Variants in BRCA2 observed in about 807,000 individuals in gnomAD.
BRCA2 encodes BRCA2 DNA repair associated.
Under a neutral mutation model 276.7 loss-of-function variants are expected in BRCA2, and 203 were observed. That is an observed-to-expected ratio of 0.73 (90% CI 0.65 to 0.82). BRCA2 has a LOEUF of 0.82. Among genes scored for constraint, BRCA2 ranks in the 40% least tolerant of loss-of-function variants. BRCA2 has a pLI of 0.00. For missense variants in BRCA2, 3,920 were observed against 3,915.0 expected, an observed-to-expected ratio of 1.00 and a Z score of -0.03; for synonymous variants, 1,289 against 1,338.4, an observed-to-expected ratio of 0.96 and a Z score of 0.81.
chr13:32,355,014 T>C lies in BRCA2; in HGVS notation c.7161T>C (p.Ala2387=), dbSNP rs2137556473. The C allele has an allele frequency of 1.9e-6, 3 of 1,613,944 alleles. No individual in the cohort carries two copies. The highest frequency in any genetic ancestry group is 2.5e-6 in the Non-Finnish European group (3 of 1,179,906). The part of the protein sequence containing the change: ...VSGHPFYQVS[A]TRNEKMRHLI... ...GACATCCATTTTATCAAGTTTCTGC[T>C]ACAAGAAATGAAAAAATGAGACACT... The change falls in exon 14 of 27, where the codon GCT becomes GCC. Residue 2387 remains alanine (A), a synonymous_variant. Coordinates refer to ENST00000380152, the MANE Select transcript of BRCA2 (RefSeq NM_000059.4).
At position 32,337,651 on chromosome 13, in the gene BRCA2, C is replaced by A. The variant is rs397507663; in HGVS notation, c.3296C>A (p.Ser1099Ter). The change falls in exon 11 of 27, where the codon TCA (serine) becomes TAA (stop). Residue 1099 changes from serine to a stop codon, truncating the protein, a stop_gained. Coordinates refer to ENST00000380152, the MANE Select transcript of BRCA2 (RefSeq NM_000059.4). LOFTEE classifies it high-confidence loss of function. ...QMLFSKQDFN[S>*]NHNLTPSQKA... ...TTATTTTCCAAGCAGGATTTTAATT[C>A]AAACCATAATTTAACACCTAGCCAA... is the stretch of plus-strand genomic sequence containing the variant. 6.3e-7 allele frequency: 1 copy of A among 1,587,510 alleles called. No individual in the cohort carries two copies. The highest frequency in any genetic ancestry group is 1.2e-5 in the South Asian group (1 of 86,320).
In BRCA2 at chr13:32,339,177, G is replaced by T. The variant is rs1566231194; in HGVS notation, c.4822G>T (p.Glu1608Ter). 6.2e-7 allele frequency: 1 copy of T among 1,613,806 alleles called. No homozygotes were observed. The highest frequency in any genetic ancestry group is 2.2e-5 in the East Asian group (1 of 44,878). Reference sequence around the variant, plus strand: ...TAATGATAAAAACCTTGTTTCTATTGAGACTGTGGTGCCACCTAAGCTCTT... The same window carrying T: ...TAATGATAAAAACCTTGTTTCTATTTAGACTGTGGTGCCACCTAAGCTCTT... ...LNNDKNLVSI[E>*]TVVPPKLLSD... The change falls in exon 11 of 27, where the codon GAG becomes TAG. Residue 1608 changes from glutamate to a stop codon, truncating the protein, a stop_gained. Transcript: ENST00000380152. LOFTEE classifies it high-confidence loss of function.
intron 21 of BRCA2, 49 bp downstream of exon 21, chr13:32,376,840 G>A: frequency 3.7e-6 from 6 of 1,607,832 alleles, no homozygotes; most frequent in Non-Finnish European, 5.1e-6. Context: ...TATTCAAGGT[G>A]AGAAGCTGTT....
intron 20 of BRCA2, 34 bp downstream of exon 20, chr13:32,371,134 C>A (rs2072831655): frequency 6.2e-7 from 1 of 1,601,994 alleles, no homozygotes; most frequent in African/African-American, 1.3e-5. Context: ...ATTGTTATTT[C>A]TAATATGAGA....
chr13:32,366,304 A>C (rs2072781656), intron 18 of BRCA2, among the ~76,000 whole-genome samples: 1 of 152,182 alleles, frequency 6.6e-6, no homozygotes, highest in Non-Finnish European at 1.5e-5. Context: ...TGCTGGTGGT[A>C]GTGTTGGTAT....
At chr13:32,382,299 T>G in intron 24 of BRCA2, among the ~76,000 whole-genome samples, 1 of 152,176 alleles carries the variant, frequency 6.6e-6, no homozygotes, top group South Asian at 2.1e-4. Context: ...GAGGTCACTG[T>G]GGGCATGGGA....
chr13:32,398,124 C>T (rs2137662274), intron 26 of BRCA2, 38 bp from the exon 27 acceptor site: 2 of 1,574,162 alleles, frequency 1.3e-6, no homozygotes, highest in Non-Finnish European at 1.7e-6. Flanking sequence ...TATGTTACTA[C>T]ATAATTATGA....
At position 32,384,329 on chromosome 13, in the gene BRCA2, T is replaced by G. The variant is rs11571787; in HGVS notation, c.9256+4184T>G. Among the ~76,000 whole-genome samples, 33,052 of 152,044 alleles carry G rather than the reference T, an allele frequency of 0.22. 3,723 individuals carry two copies. Among genetic ancestry groups the G allele is most frequent in the East Asian group, 0.39 (2,040 of 5,170 alleles). ...AGGGTGACGGTAGTGGAGATCTTAC[T>G]GAGTTCCAGAGGCCCCATTGAAAGG... On this transcript the variant is annotated intron_variant, in intron 24 of 26. Coordinates refer to ENST00000380152, the MANE Select transcript of BRCA2 (RefSeq NM_000059.4).
chr13:32,355,620 G>A (rs1214330979), intron 14 of BRCA2, among the ~76,000 whole-genome samples: 1 of 152,098 alleles, frequency 6.6e-6, no homozygotes, highest in Non-Finnish European at 1.5e-5. Flanking sequence ...CCAGAACTTT[G>A]GGAGACTAAG....
At position 32,338,446 on chromosome 13, in the gene BRCA2, T is replaced by C; in HGVS notation, c.4091T>C (p.Ile1364Thr). 2 of 1,611,920 alleles carry C rather than the reference T, an allele frequency of 1.2e-6. No individual in the cohort carries two copies. The highest frequency in any genetic ancestry group is 2.7e-5 in the African/African-American group (2 of 74,972). ...TTGCTATTTACTGATCAGCACAACA[T>C]ATGTCTTAAATTATCTGGCCAGTTT... ...TDLLFTDQHN[I>T]CLKLSGQFMK... Residue 1364 changes from isoleucine to threonine, a missense_variant, in exon 11 of 27, where the codon ATA (isoleucine) becomes ACA (threonine). This residue lies in a region of BRCA2 where 3,263 missense variants were observed against 3,156.9 expected (regional missense o/e 1.03). Transcript: ENST00000380152.
chr13:32,322,167 C>G (rs1473048588), intron 3 of BRCA2, among the ~76,000 whole-genome samples: 3 of 152,208 alleles, frequency 2.0e-5, no homozygotes, highest in African/African-American at 7.2e-5. Context: ...CTCCTGAGCC[C>G]CTGGCAGCCA....
rs397507882 is a variant in BRCA2, at chr13:32,319,061, T to A, written c.68-16T>A. The A allele has an allele frequency of 1.6e-5, 25 of 1,528,178 alleles. No homozygotes were observed. The highest frequency in any genetic ancestry group is 9.3e-5 in the East Asian group (4 of 42,784). 94.7% of individuals were successfully genotyped at this position (1,528,178 alleles called of 1,614,324 possible). A position where few individuals can be genotyped will look rare whatever the true frequency, so the allele number is the denominator to read the frequency against. ...GTCACTGGTTAAAACTAAGGTGGGATTTTTTTTTTAAATAGATTTAGGACC... is the reference window on the plus strand; with the variant it reads ...GTCACTGGTTAAAACTAAGGTGGGAATTTTTTTTTAAATAGATTTAGGACC... On this transcript the variant is annotated splice_polypyrimidine_tract_variant and intron_variant, in intron 2 of 26. Coordinates refer to ENST00000380152, the MANE Select transcript of BRCA2 (RefSeq NM_000059.4).
At chr13:32,381,020 T>A (rs1291742490) in intron 24 of BRCA2, among the ~76,000 whole-genome samples, 1 of 152,324 alleles carries the variant, frequency 6.6e-6, no homozygotes. Context: ...TGGTGAGTTA[T>A]GTTTTAGTGC....
chr13:32,346,760 A>G, intron 12 of BRCA2, 67 bp from the exon 13 acceptor site: 1 of 1,336,560 alleles, frequency 7.5e-7, no homozygotes, highest in South Asian at 1.3e-5. Context: ...TTTTTTGTGT[A>G]TTTACAGTAA....
At chr13:32,397,662 A>G (rs532604671) in intron 26 of BRCA2, among the ~76,000 whole-genome samples, 18 of 152,316 alleles carry the variant, frequency 1.2e-4, no homozygotes, top group African/African-American at 4.1e-4. Context: ...ACTTAAAGTC[A>G]CAGTTTCCGA....
chr13:32,325,485 A>G (rs560942973), intron 4 of BRCA2, among the ~76,000 whole-genome samples: 200 of 152,200 alleles, frequency 1.3e-3, no homozygotes, highest in African/African-American at 4.6e-3. Flanking sequence ...TTATCAATTT[A>G]AAATAAATTG....
chr13:32,329,604 C>A (rs2072374472), intron 8 of BRCA2, 112 bp downstream of exon 8: 1 of 904,342 alleles, frequency 1.1e-6, no homozygotes, highest in Non-Finnish European at 1.7e-6. Context: ...TTATCTAAGC[C>A]TTTGAGAAAG....
In BRCA2 at chr13:32,340,840, A is replaced by G. The variant is rs11571660; in HGVS notation, c.6485A>G (p.Lys2162Arg). ...SPYLSQFQQD[K>R]QQLVLGTKVS... ...TATCTCTCTCAATTTCAACAAGACA[A>G]ACAACAGTTGGTATTAGGAACCAAA... is the stretch of plus-strand genomic sequence containing the variant. Residue 2162 changes from lysine to arginine, a missense_variant, in exon 11 of 27, where the codon AAA becomes AGA. Lys to Arg is a conservative substitution (Grantham distance 26). This residue lies in a region of BRCA2 where 3,263 missense variants were observed against 3,156.9 expected (regional missense o/e 1.03). Transcript: ENST00000380152. 5.0e-6 allele frequency: 8 copies of G among 1,593,988 alleles called. No individual in the cohort carries two copies. The South Asian group carries it at 6.9e-5, about 14-fold the overall frequency.
At chr13:32,346,787 G>T in intron 12 of BRCA2, 40 bp from the exon 13 acceptor site, 1 of 1,505,160 alleles carries the variant, frequency 6.6e-7, no homozygotes, top group South Asian at 1.2e-5. Flanking sequence ...TATTCTCTTA[G>T]ATTTTAACTA....
Sources: allele counts gnomAD v4.1 joint callset (sites outside exome capture counted in the v4.1 genomes callset), GRCh38; gene constraint gnomAD v4.1.1; regional missense constraint gnomAD v4.1.1; transcripts MANE v1.5; gene names NCBI Gene and HGNC (gene_info 2026-07-23, HGNC 2026-07-21).